Variants in CTNND2 observed in about 807,000 individuals in gnomAD.
The protein encoded by CTNND2 is catenin delta 2.
Under a neutral mutation model 144.4 loss-of-function variants are expected in CTNND2, and 22 were observed. The observed-to-expected ratio is 0.15, with a 90% CI of 0.11 to 0.22. CTNND2 has a LOEUF of 0.22. Ranked by LOEUF, CTNND2 falls within the 10% of genes least tolerant of loss-of-function variation. The probability of loss-of-function intolerance (pLI) is 1.00; values close to 1 mark genes in which losing one functional copy is unlikely to be tolerated. For missense variants in CTNND2, 1,353 were observed against 1,618.8 expected (o/e 0.84, Z 2.82); for synonymous variants, 751 against 695.6 (o/e 1.08, Z -1.25).
chr5:11,006,263 C>T (rs1315045415), intron 18 of CTNND2, among the ~76,000 whole-genome samples: 1 of 152,222 alleles, frequency 6.6e-6, no homozygotes, highest in East Asian at 1.9e-4. Flanking sequence ...GTCAGGGCCT[C>T]CCCAGTCCAT....
chr5:11,032,077 CT>C (rs1743536509), intron 16 of CTNND2, among the ~76,000 whole-genome samples: 1 of 152,238 alleles, frequency 6.6e-6, no homozygotes, highest in Non-Finnish European at 1.5e-5. Context: ...TTCTGTCCCT[CT>C]GGAGAATCCT....
intron 16 of CTNND2, among the ~76,000 whole-genome samples, chr5:11,047,619 T>C (rs1192292542): frequency 2.0e-5 from 3 of 152,210 alleles, no homozygotes; most frequent in Non-Finnish European, 4.4e-5. Flanking sequence ...GTGTATTCCA[T>C]TGCTTGCTGC....
intron 3 of CTNND2, among the ~76,000 whole-genome samples, chr5:11,494,984 T>C (rs542694166): frequency 2.6e-5 from 4 of 152,286 alleles, no homozygotes; most frequent in Non-Finnish European, 5.9e-5. Context: ...ATTCTCTAGA[T>C]ATAGGAGGGG....
At chr5:11,396,433 T>C (rs1374986448) in intron 6 of CTNND2, among the ~76,000 whole-genome samples, 1 of 152,216 alleles carries the variant, frequency 6.6e-6, no homozygotes, top group Non-Finnish European at 1.5e-5. Flanking sequence ...TGGTTTTAAC[T>C]GCAGCTAATG....
intron 3 of CTNND2, among the ~76,000 whole-genome samples, chr5:11,512,550 C>A (rs116753593): frequency 3.3e-5 from 5 of 152,224 alleles, no homozygotes; most frequent in Non-Finnish European, 7.3e-5. Flanking sequence ...ATTACATGGA[C>A]TGAAAGTCAC....
At chr5:11,806,592 C>A (rs1209641138) in intron 1 of CTNND2, among the ~76,000 whole-genome samples, 3 of 152,068 alleles carry the variant, frequency 2.0e-5, no homozygotes, top group Non-Finnish European at 4.4e-5. Flanking sequence ...AAGCAATGTG[C>A]AGATCTAAAA....
At chr5:11,266,902 G>A (rs558615606) in intron 9 of CTNND2, among the ~76,000 whole-genome samples, 4 of 152,182 alleles carry the variant, frequency 2.6e-5, no homozygotes, top group South Asian at 4.2e-4. Context: ...TTTTTGAGAC[G>A]GAGTCCAACT....
chr5:11,808,234 T>A lies in CTNND2; in HGVS notation c.38-75962A>T, dbSNP rs187795979. ...ACAGTCATTGGACCATAACTAAACA[T>A]ACTTTATTCACTTATTGCCATATAT... is the stretch of plus-strand genomic sequence containing the variant. On this transcript the variant is annotated intron_variant, in intron 1 of 21. Transcript: ENST00000304623. Among the ~76,000 whole-genome samples, 11 of 152,284 alleles carry A rather than the reference T, an allele frequency of 7.2e-5. No individual in the cohort carries two copies. The East Asian group carries it at 2.1e-3, about 29-fold the overall frequency.
chr5:11,387,795 T>A (rs1003202477), intron 6 of CTNND2, among the ~76,000 whole-genome samples: 3 of 152,234 alleles, frequency 2.0e-5, no homozygotes, highest in African/African-American at 7.2e-5. Context: ...GCATAATTTT[T>A]AATAAATACT....
chr5:11,104,108 T>C (rs1323745926), intron 14 of CTNND2, among the ~76,000 whole-genome samples: 1 of 152,216 alleles, frequency 6.6e-6, no homozygotes, highest in East Asian at 1.9e-4. Context: ...AAGGCTGGCT[T>C]CACCAGCGGA....
chr5:11,276,041 T>C (rs1019768738), intron 9 of CTNND2, among the ~76,000 whole-genome samples: 1 of 152,202 alleles, frequency 6.6e-6, no homozygotes, highest in Non-Finnish European at 1.5e-5. Context: ...TGATGTGACT[T>C]TTCCAGAACA....
intron 2 of CTNND2, among the ~76,000 whole-genome samples, chr5:11,639,614 A>T (rs1211875399): frequency 6.6e-6 from 1 of 152,174 alleles, no homozygotes; most frequent in Non-Finnish European, 1.5e-5. Flanking sequence ...AATACGGAAA[A>T]TTCTGGTTAG....
At position 11,346,369 on chromosome 5, in the gene CTNND2, C is replaced by T. The variant is rs143880992; in HGVS notation, c.1628+3G>A. The T allele has an allele frequency of 7.2e-5, 103 of 1,428,354 alleles. No homozygotes were observed. The African/African-American group carries it at 1.2e-3, about 17-fold the overall frequency. The allele number at this position is 1,428,354 out of a possible 1,614,324, so 88.5% of individuals were successfully genotyped here. A position where few individuals can be genotyped will look rare whatever the true frequency, so the allele number is the denominator to read the frequency against. ...ATAGGGAAAGAAAAAGGTTTTTACC[C>T]ACCTGGGATCTTTCTGAATGCTATC... On this transcript the variant is annotated splice_donor_region_variant and intron_variant, in intron 9 of 21. Coordinates refer to ENST00000304623, the MANE Select transcript of CTNND2 (RefSeq NM_001332.4).
intron 2 of CTNND2, among the ~76,000 whole-genome samples, chr5:11,685,108 C>T (rs1207397256): frequency 6.6e-6 from 1 of 152,138 alleles, no homozygotes; most frequent in South Asian, 2.1e-4. Context: ...AGTATAAGTG[C>T]ATTGTTACTT....
At chr5:10,992,717 G>A in intron 18 of CTNND2, 40 bp from the exon 19 acceptor site, 1 of 1,596,710 alleles carries the variant, frequency 6.3e-7, no homozygotes, top group Non-Finnish European at 8.5e-7. Context: ...GGGCAAGACA[G>A]AGTGATTTTT....
chr5:11,858,789 C>A (rs916068247), intron 1 of CTNND2, among the ~76,000 whole-genome samples: 14 of 152,062 alleles, frequency 9.2e-5, no homozygotes, highest in Non-Finnish European at 1.9e-4. Flanking sequence ...ATTAGCTGGG[C>A]ATGGTGGCGG....
Position 11,397,211 on chromosome 5 carries a change from G to C in CTNND2, c.440-8C>G. 1.2e-6 allele frequency: 2 copies of C among 1,613,096 alleles called. No homozygotes were observed. The highest frequency in any genetic ancestry group is 1.7e-6 in the Non-Finnish European group (2 of 1,179,254). On this transcript the variant is annotated splice_polypyrimidine_tract_variant and splice_region_variant and intron_variant, in intron 5 of 21. Transcript: ENST00000304623. ...GGGAGAGCAGGCTGGGCCCTGCATT[G>C]AAAGTCATTTAGAGCAGTCAGTGAC...
At chr5:11,431,587 T>G (rs576274574) in intron 3 of CTNND2, among the ~76,000 whole-genome samples, 1 of 152,280 alleles carries the variant, frequency 6.6e-6, no homozygotes, top group East Asian at 1.9e-4. Context: ...TATAAGGACT[T>G]TGGCTACTCT....
chr5:11,673,357 C>T (rs577100187), intron 2 of CTNND2, among the ~76,000 whole-genome samples: 54 of 152,218 alleles, frequency 3.5e-4, no homozygotes, highest in South Asian at 6.2e-4. Context: ...GCTATTATTA[C>T]GCAGATGAAT....
Sources: allele counts gnomAD v4.1 joint callset (sites outside exome capture counted in the v4.1 genomes callset), GRCh38; gene constraint gnomAD v4.1.1; transcripts MANE v1.5; gene names NCBI Gene and HGNC (gene_info 2026-07-23, HGNC 2026-07-21).